Variants in SMC3 observed in about 807,000 individuals in gnomAD.
SMC3 encodes structural maintenance of chromosomes 3, also known as structural maintenance of chromosomes protein 3.
A neutral mutation model predicts 171.8 loss-of-function variants in SMC3; 20 were observed. The observed-to-expected ratio is 0.12, with a 90% CI of 0.08 to 0.17. The LOEUF is 0.17. SMC3 is among the 10% of genes least tolerant of loss of function. The pLI is 1.00. For synonymous variants in SMC3, 464 were observed against 451.1 expected (o/e 1.03, Z -0.36); for missense variants, 543 against 1,420.4 (o/e 0.38, Z 9.93).
Position 110,584,310 on chromosome 10 carries a change from A to C in SMC3, c.1219A>C (p.Asn407His). 6.2e-7 allele frequency: 1 copy of C among 1,614,018 alleles called. No homozygotes were observed. The highest frequency in any genetic ancestry group is 8.5e-7 in the Non-Finnish European group (1 of 1,179,868). ...ACTCAAGTCTTTAGATCAGGCTATT[A>C]ATGACAAGAAAAGACAGATTGCTGC... is the stretch of plus-strand genomic sequence containing the variant. Reference protein sequence around the residue: ...KELKSLDQAINDKKRQIAAIH... With the variant: ...KELKSLDQAIHDKKRQIAAIH... Residue 407 changes from asparagine to histidine, a missense_variant, in exon 13 of 29, where the codon AAT becomes CAT. Physicochemically the swap from Asn to His is moderately conservative, Grantham distance 68. Around this residue, in one of 8 missense-constraint regions of SMC3, gnomAD observed 218 missense variants for 509.6 expected, o/e 0.43. Transcript: ENST00000361804.
chr10:110,577,926 T>C lies in SMC3; in HGVS notation c.350+12T>C. On this transcript the variant is annotated intron_variant, in intron 6 of 28. Transcript: ENST00000361804. The stretch of plus-strand genomic sequence containing the variant: ...AAGAAGATGGTCACGTAAGCATTTT[T>C]CTTTTTTTTAAAAAAACTGAATATG... The C allele has an allele frequency of 6.3e-7, 1 of 1,592,734 alleles. No individual in the cohort carries two copies.
At chr10:110,568,419 T>A (rs1860815808) in intron 1 of SMC3, 1 of 168,012 alleles carries the variant, frequency 6.0e-6, no homozygotes. Flanking sequence ...GTCAAAATGG[T>A]CTTCCCGCGC....
intron 20 of SMC3, among the ~76,000 whole-genome samples, chr10:110,598,509 C>T (rs1861335601): frequency 2.0e-5 from 3 of 151,894 alleles, no homozygotes; most frequent in Admixed American, 2.0e-4. Context: ...TGGGTTCAAG[C>T]GATTTTCCTG....
At chr10:110,568,857 G>T in intron 1 of SMC3, 81 bp from the exon 2 acceptor site, 2 of 837,732 alleles carry the variant, frequency 2.4e-6, no homozygotes, top group Non-Finnish European at 2.0e-6. Context: ...TGCATTAAAT[G>T]AAAAACAAGA....
chr10:110,596,385 G>A lies in SMC3; in HGVS notation c.1964-13G>A, dbSNP rs757000441. ...AAAGTTGTACAGACCTATTACATATGTTTTGTTTATAGGTGACCAAGTCAG... is the reference window on the plus strand; with the variant it reads ...AAAGTTGTACAGACCTATTACATATATTTTGTTTATAGGTGACCAAGTCAG... On this transcript the variant is annotated splice_polypyrimidine_tract_variant and intron_variant, in intron 18 of 28. Coordinates refer to ENST00000361804, the MANE Select transcript of SMC3 (RefSeq NM_005445.4). 1.9e-6 allele frequency: 3 copies of A among 1,611,640 alleles called. No individual in the cohort carries two copies. The Admixed American group carries it at 5.0e-5, about 27-fold the overall frequency.
chr10:110,582,124 A>C lies in SMC3; in HGVS notation c.723+26A>C. 2.5e-6 allele frequency: 4 copies of C among 1,581,534 alleles called. No individual in the cohort carries two copies. In the South Asian group the frequency reaches 4.4e-5, roughly 18 times the overall value. ...GTAAAATATTTACCTGTGACACTTAAAATCAGATTAATTTTGTTTTTATGA... is the reference window on the plus strand; with the variant it reads ...GTAAAATATTTACCTGTGACACTTACAATCAGATTAATTTTGTTTTTATGA... On this transcript the variant is annotated intron_variant, in intron 9 of 28. Coordinates refer to ENST00000361804, the MANE Select transcript of SMC3 (RefSeq NM_005445.4).
chr10:110,570,070 A>G (rs1860846899), intron 2 of SMC3, among the ~76,000 whole-genome samples: 1 of 152,204 alleles, frequency 6.6e-6, no homozygotes, highest in Non-Finnish European at 1.5e-5. Context: ...GAGGTCAGAC[A>G]TCCATGATCA....
At chr10:110,584,078 T>G (rs536417677) in intron 12 of SMC3, 105 bp from the exon 13 acceptor site, 1 of 1,528,812 alleles carries the variant, frequency 6.5e-7, no homozygotes, top group African/African-American at 1.4e-5. Flanking sequence ...TTTTGTATCT[T>G]TTTGAAAAAT....
Position 110,602,164 on chromosome 10 carries a change from T to C in SMC3, c.3091T>C (p.Leu1031=), listed in dbSNP as rs776429768. The change falls in exon 25 of 29, where the codon TTA becomes CTA. Residue 1031 remains leucine (L), a synonymous_variant. Transcript: ENST00000361804. ...ACTTCGGAAATATGAAGCTATTCAG[T>C]TAACTTTCAAACAGGTATGTTTCGC... The part of the protein sequence containing the change: ...LELRKYEAIQ[L]TFKQVSKNFS... The C allele has an allele frequency of 6.2e-7, 1 of 1,613,424 alleles. No individual in the cohort carries two copies. Among genetic ancestry groups the C allele is most frequent in the African/African-American group, 1.3e-5 (1 of 75,046 alleles).
At chr10:110,574,554 A>G (rs1590549942) in intron 3 of SMC3, among the ~76,000 whole-genome samples, 1 of 152,212 alleles carries the variant, frequency 6.6e-6, no homozygotes, top group Non-Finnish European at 1.5e-5. Flanking sequence ...TAATTTGGCA[A>G]TGATGAGAGA....
intron 13 of SMC3, among the ~76,000 whole-genome samples, chr10:110,587,909 A>G (rs959633461): frequency 2.0e-5 from 3 of 152,354 alleles, no homozygotes; most frequent in East Asian, 1.9e-4. Context: ...TAACTCTTTT[A>G]TGGTTTCAGA....
chr10:110,583,662 G>T, intron 11 of SMC3, 114 bp downstream of exon 11: 1 of 1,234,664 alleles, frequency 8.1e-7, no homozygotes, highest in Non-Finnish European at 1.2e-6. Context: ...GCTTTGCTAC[G>T]TTAGCATAAT....
At chr10:110,586,531 A>AT (rs1369464748) in intron 13 of SMC3, among the ~76,000 whole-genome samples, 1 of 152,168 alleles carries the variant, frequency 6.6e-6, no homozygotes, top group Non-Finnish European at 1.5e-5. Flanking sequence ...GAATTTATTC[A>AT]TTTTTTGTCA....
At chr10:110,575,524 T>C in intron 4 of SMC3, 121 bp downstream of exon 4, 1 of 792,296 alleles carries the variant, frequency 1.3e-6, no homozygotes, top group Non-Finnish European at 2.1e-6. Context: ...ACACAATCTT[T>C]CTCATAAGTG....
At chr10:110,597,993 A>C (rs1861327904) in intron 19 of SMC3, 146 bp from the exon 20 acceptor site, 1 of 700,882 alleles carries the variant, frequency 1.4e-6, no homozygotes. Flanking sequence ...AATATAGTTC[A>C]GCATTGTTTT....
At chr10:110,570,896 G>GA (rs1452683852) in intron 2 of SMC3, among the ~76,000 whole-genome samples, 4 of 152,182 alleles carry the variant, frequency 2.6e-5, no homozygotes, top group Non-Finnish European at 4.4e-5. Context: ...CATAATGTAA[G>GA]AAAGACCAAA....
At chr10:110,595,661 T>C (rs752889790) in intron 18 of SMC3, among the ~76,000 whole-genome samples, 30 of 152,218 alleles carry the variant, frequency 2.0e-4, no homozygotes, top group Non-Finnish European at 3.7e-4. Flanking sequence ...CTGTTATTGC[T>C]GCTGCATTTA....
At chr10:110,572,899 T>A (rs1860892476) in intron 2 of SMC3, among the ~76,000 whole-genome samples, 1 of 152,170 alleles carries the variant, frequency 6.6e-6, no homozygotes, top group Non-Finnish European at 1.5e-5. Context: ...AATTTATAAT[T>A]TATTTGGCCA....
chr10:110,603,699 G>A (rs1861422427), intron 28 of SMC3, among the ~76,000 whole-genome samples: 1 of 152,296 alleles, frequency 6.6e-6, no homozygotes, highest in Non-Finnish European at 1.5e-5. Context: ...TTTCTTCAGA[G>A]CATTAAAATA....
Sources: allele counts gnomAD v4.1 joint callset (sites outside exome capture counted in the v4.1 genomes callset), GRCh38; gene constraint gnomAD v4.1.1; regional missense constraint gnomAD v4.1.1; transcripts MANE v1.5; gene names NCBI Gene and HGNC (gene_info 2026-07-23, HGNC 2026-07-21).